The following PCDHGB6 variants were observed in gnomAD, a reference collection of about 807,000 sequenced individuals.
PCDHGB6 encodes the protein protocadherin gamma-B6.
In PCDHGB6, 51 loss-of-function variants were observed where a neutral mutation model predicts 59.1. That is an observed-to-expected ratio of 0.86 (90% CI 0.69 to 1.09). The LOEUF is 1.09. Among genes scored for constraint, PCDHGB6 ranks in the 50% least tolerant of loss-of-function variants. The probability of loss-of-function intolerance (pLI) is 0.00; values close to 1 mark genes in which losing one functional copy is unlikely to be tolerated. For synonymous variants in PCDHGB6, 466 were observed against 495.1 expected, an observed-to-expected ratio of 0.94 and a Z score of 0.78; for missense variants, 1,148 against 1,205.1, an observed-to-expected ratio of 0.95 and a Z score of 0.70.
chr5:141,473,374 G>A (rs1437989884), intron 1 of PCDHGB6, among the ~76,000 whole-genome samples: 1 of 152,204 alleles, frequency 6.6e-6, no homozygotes, highest in African/African-American at 2.4e-5. Context: ...AAATAGCATG[G>A]TCCCTGCCCT....
In PCDHGB6 at chr5:141,500,938, G is replaced by A. The variant is rs1317178701; in HGVS notation, c.2478-4455G>A. On this transcript the variant is annotated intron_variant, in intron 2 of 3. Transcript: ENST00000520790. Reference sequence around the variant, plus strand: ...GGCTGGGGTGCAGTGGCGCCATCTCGGCTCACTGCAAGCTCCACCTCCTGG... The same window carrying A: ...GGCTGGGGTGCAGTGGCGCCATCTCAGCTCACTGCAAGCTCCACCTCCTGG... 2.6e-5 allele frequency among the ~76,000 whole-genome samples: 4 copies of A among 151,060 alleles called. No homozygotes were observed. The East Asian group carries it at 5.8e-4, about 22-fold the overall frequency.
intron 1 of PCDHGB6, among the ~76,000 whole-genome samples, chr5:141,463,518 G>T (rs537466389): frequency 7.2e-6 from 1 of 139,068 alleles, no homozygotes; most frequent in African/African-American, 2.8e-5. Context: ...GCGTGATCTC[G>T]GCTTACTAGA....
chr5:141,434,948 T>C (rs1486185815), intron 1 of PCDHGB6, among the ~76,000 whole-genome samples: 1 of 151,828 alleles, frequency 6.6e-6, no homozygotes, highest in East Asian at 1.9e-4. Flanking sequence ...ATATAATTTA[T>C]TAACAATTTA....
rs539406412 is a variant in PCDHGB6, at chr5:141,427,895, G to A, written c.2418+17275G>A. ...CGATGCAGGCCCACGACCAGGGCTCGCCCGCGCTCAGCGCCAACATGAGCC... is the reference window on the plus strand; with the variant it reads ...CGATGCAGGCCCACGACCAGGGCTCACCCGCGCTCAGCGCCAACATGAGCC... On this transcript the variant is annotated intron_variant, in intron 1 of 3. Transcript: ENST00000520790. 373 of 1,569,222 alleles carry A rather than the reference G, an allele frequency of 2.4e-4. 2 individuals are homozygous for A. In the South Asian group the frequency reaches 3.9e-3, roughly 17 times the overall value.
In PCDHGB6 at chr5:141,485,556, A is replaced by T; in HGVS notation, c.2419-9251A>T. On this transcript the variant is annotated intron_variant, in intron 1 of 3. Coordinates refer to ENST00000520790, the MANE Select transcript of PCDHGB6 (RefSeq NM_018926.3). This position sits in a 1 kb window ranked among gnomAD's most constrained non-coding sequence, Gnocchi z 5.7. ...GAGGTAGAGATCGTAGATGTGAATG[A>T]TCACGCCCCCCGTTTTCCGCGGCAG... is the stretch of plus-strand genomic sequence containing the variant. The T allele has an allele frequency of 6.2e-7, 1 of 1,613,664 alleles. No homozygotes were observed. Among genetic ancestry groups the T allele is most frequent in the Non-Finnish European group, 8.5e-7 (1 of 1,179,644 alleles).
In PCDHGB6 at chr5:141,491,341, G is replaced by C. The variant is rs775712620; in HGVS notation, c.2419-3466G>C. ...TTACCTCATTGTGGCTCTAGCGACC[G>C]TCAGTCTCTTATCCCTAGTCACCTT... On this transcript the variant is annotated intron_variant, in intron 1 of 3. Transcript: ENST00000520790. This position sits in a 1 kb window ranked among gnomAD's most constrained non-coding sequence, Gnocchi z 6.9. 10 of 1,614,100 alleles carry C rather than the reference G, an allele frequency of 6.2e-6. No homozygotes were observed. In the East Asian group the frequency reaches 8.9e-5, roughly 14 times the overall value.
At position 141,428,042 on chromosome 5, in the gene PCDHGB6, G is replaced by A; in HGVS notation, c.2418+17422G>A. The A allele has an allele frequency of 1.9e-6, 3 of 1,608,716 alleles. No individual in the cohort carries two copies. The South Asian group carries it at 3.3e-5, about 18-fold the overall frequency. On this transcript the variant is annotated intron_variant, in intron 1 of 3. Transcript: ENST00000520790. ...GCGCCGCAGAGTCCGGCTACCTGGT[G>A]ACCAAGGTGGTGGCGGTGGACGCAG...
intron 1 of PCDHGB6, among the ~76,000 whole-genome samples, chr5:141,444,257 C>T (rs376980362): frequency 1.2e-4 from 18 of 147,512 alleles, no homozygotes; most frequent in East Asian, 6.0e-4. Context: ...CTGCAACCTC[C>T]GCCTCCCAGG....
intron 1 of PCDHGB6, chr5:141,415,325 C>T (rs1046074461): frequency 2.2e-5 from 35 of 1,614,212 alleles, no homozygotes; most frequent in East Asian, 6.7e-5. Context: ...GTGCTGCTGG[C>T]GCACAGGCTG....
In PCDHGB6 at chr5:141,490,007, C is replaced by T. The variant is rs766407642; in HGVS notation, c.2419-4800C>T. On this transcript the variant is annotated intron_variant, in intron 1 of 3. Coordinates refer to ENST00000520790, the MANE Select transcript of PCDHGB6 (RefSeq NM_018926.3). The surrounding 1 kb of genome is among the most constrained non-coding windows in gnomAD (Gnocchi z 5.4). ...CGTGTGGGAATCCCAGAGAATGCACCCATTGGTACTCTGCTGCTCCGCCTC... is the reference window on the plus strand; with the variant it reads ...CGTGTGGGAATCCCAGAGAATGCACTCATTGGTACTCTGCTGCTCCGCCTC... 6.2e-7 allele frequency: 1 copy of T among 1,614,200 alleles called. No homozygotes were observed. The highest frequency in any genetic ancestry group is 8.5e-7 in the Non-Finnish European group (1 of 1,180,016).
intron 1 of PCDHGB6, among the ~76,000 whole-genome samples, chr5:141,462,269 T>C (rs2099036247): frequency 6.6e-6 from 1 of 152,230 alleles, no homozygotes; most frequent in Admixed American, 6.5e-5. Context: ...CTAAAGTGTA[T>C]TGTTTAGTCA....
chr5:141,499,563 A>C (rs979866448), intron 2 of PCDHGB6, among the ~76,000 whole-genome samples: 3 of 152,242 alleles, frequency 2.0e-5, no homozygotes, highest in Non-Finnish European at 2.9e-5. Context: ...ACCACTATCC[A>C]GCTTCAACTA....
rs868008554 is a variant in PCDHGB6, at chr5:141,431,417, C to T, written c.2418+20797C>T. 1 of 1,613,666 alleles carries T rather than the reference C, an allele frequency of 6.2e-7. No homozygotes were observed. Among genetic ancestry groups the T allele is most frequent in the South Asian group, 1.1e-5 (1 of 91,082 alleles). ...CCTTACGGCCTCCGACGGGGGCGAC[C>T]CGGTGCGCACAGGCACCGCGCGCAT... On this transcript the variant is annotated intron_variant, in intron 1 of 3. Transcript: ENST00000520790. This position sits in a 1 kb window ranked among gnomAD's most constrained non-coding sequence, Gnocchi z 4.8.
rs771804151 is a variant in PCDHGB6, at chr5:141,486,704, A to G, written c.2419-8103A>G. On this transcript the variant is annotated intron_variant, in intron 1 of 3. Coordinates refer to ENST00000520790, the MANE Select transcript of PCDHGB6 (RefSeq NM_018926.3). The surrounding 1 kb of genome is among the most constrained non-coding windows in gnomAD (Gnocchi z 5.0). ...ATCAGCTTCCTCTTTCATCTCTCTG[A>G]ACCCCCAGACAGGAGCTGTTCATGC... 2.2e-5 allele frequency: 35 copies of G among 1,614,016 alleles called. No homozygotes were observed. Among genetic ancestry groups the G allele is most frequent in the Non-Finnish European group, 2.7e-5 (32 of 1,180,032 alleles).
rs757924501 is a variant in PCDHGB6, at chr5:141,490,548, A to G, written c.2419-4259A>G. 1.2e-6 allele frequency: 2 copies of G among 1,614,084 alleles called. No individual in the cohort carries two copies. Among genetic ancestry groups the G allele is most frequent in the South Asian group, 2.2e-5 (2 of 91,080 alleles). ...ATGCTGGTTCACCTTCCCTACACAA[A>G]CATCTCACCATCAGGCTCAACATTT... On this transcript the variant is annotated intron_variant, in intron 1 of 3. Transcript: ENST00000520790. This position sits in a 1 kb window ranked among gnomAD's most constrained non-coding sequence, Gnocchi z 5.4.
chr5:141,505,681 G>A (rs113733387), intron 3 of PCDHGB6, among the ~76,000 whole-genome samples, 200 bp downstream of exon 3: 92 of 152,324 alleles, frequency 6.0e-4, no homozygotes, highest in African/African-American at 2.1e-3. Flanking sequence ...GGGGTCCTGG[G>A]ATGCCTGGAG....
At chr5:141,481,913 CA>C (rs34114744) in intron 1 of PCDHGB6, among the ~76,000 whole-genome samples, 39,195 of 90,872 alleles carry the variant, frequency 0.43, 5,902 homozygotes, top group Admixed American at 0.51. Flanking sequence ...AACTCCATCT[CA>C]AAAAAAAAAA....
chr5:141,510,798 A>G, intron 3 of PCDHGB6, 149 bp from the exon 4 acceptor site: 1 of 1,474,326 alleles, frequency 6.8e-7, no homozygotes, highest in South Asian at 1.3e-5. Context: ...GTGAAGAGAG[A>G]CTACCTTGGT....
rs1243958567 is a variant in PCDHGB6, at chr5:141,418,557, T to C, written c.2418+7937T>C. 4.3e-6 allele frequency: 7 copies of C among 1,613,860 alleles called. No homozygotes were observed. The East Asian group carries it at 1.6e-4, about 36-fold the overall frequency. On this transcript the variant is annotated intron_variant, in intron 1 of 3. Coordinates refer to ENST00000520790, the MANE Select transcript of PCDHGB6 (RefSeq NM_018926.3). ...ACTGCTCAGATAAGAATCCTGGTAA[T>C]AGATGCCAATGACAACCCCCCAGTG... is the stretch of plus-strand genomic sequence containing the variant.
Sources: gnomAD v4.1 joint callset for allele counts (sites outside exome capture counted in the v4.1 genomes callset) on GRCh38, gnomAD v4.1.1 for gene constraint, Gnocchi (gnomAD v3.1) non-coding constraint, MANE v1.5 for transcripts, NCBI Gene and HGNC (gene_info 2026-07-23, HGNC 2026-07-21) for gene names.